ADGRL2: variants seen among roughly 807,000 people sequenced by gnomAD.
ADGRL2 encodes calcium-independent alpha-latrotoxin receptor 2.
ADGRL2 carries 44 observed loss-of-function variants against 157.4 expected under a neutral mutation model. That is an observed-to-expected ratio of 0.28 (90% CI 0.22 to 0.36). The LOEUF is 0.36. ADGRL2 is among the 10% of genes least tolerant of loss of function. The probability of loss-of-function intolerance (pLI) is 1.00; values close to 1 mark genes in which losing one functional copy is unlikely to be tolerated. For synonymous variants in ADGRL2, 585 were observed against 624.7 expected (o/e 0.94, Z 0.95); for missense variants, 1,510 against 1,768.9 (o/e 0.85, Z 2.63).
chr1:81,664,241 T>C (rs989484121), intron 3 of ADGRL2, among the ~76,000 whole-genome samples: 1 of 152,138 alleles, frequency 6.6e-6, no homozygotes, highest in Non-Finnish European at 1.5e-5. Context: ...TTTCTGTATC[T>C]TTACATACAT....
chr1:81,974,478 C>G (rs1329953356), intron 17 of ADGRL2, among the ~76,000 whole-genome samples: 3 of 152,138 alleles, frequency 2.0e-5, no homozygotes, highest in African/African-American at 7.2e-5. Context: ...CTGCTAGTCC[C>G]AGGGAGAAAT....
At chr1:81,645,463 T>C (rs530641840) in intron 3 of ADGRL2, among the ~76,000 whole-genome samples, 2 of 151,640 alleles carry the variant, frequency 1.3e-5, no homozygotes, top group Non-Finnish European at 2.9e-5. Flanking sequence ...AATTCCAGCA[T>C]TGCTTTCTAA....
At chr1:81,914,500 A>C (rs1220005649) in intron 3 of ADGRL2, among the ~76,000 whole-genome samples, 1 of 152,102 alleles carries the variant, frequency 6.6e-6, no homozygotes. Context: ...TTCTCTTAGG[A>C]TCTAAGCCTG....
intron 1 of ADGRL2, among the ~76,000 whole-genome samples, chr1:81,441,392 T>A (rs149539354): frequency 6.6e-6 from 1 of 152,322 alleles, no homozygotes; most frequent in African/African-American, 2.4e-5. Context: ...ATCATCAGTG[T>A]TCCTAATCAA....
intron 3 of ADGRL2, among the ~76,000 whole-genome samples, chr1:81,911,005 G>T (rs1237739431): frequency 6.6e-6 from 1 of 151,006 alleles, no homozygotes; most frequent in Non-Finnish European, 1.5e-5. Flanking sequence ...ATTGTATTTT[G>T]CTCCTCTTGT....
At chr1:81,845,961 G>A (rs1457297657) in intron 2 of ADGRL2, among the ~76,000 whole-genome samples, 1 of 151,478 alleles carries the variant, frequency 6.6e-6, no homozygotes, top group South Asian at 2.1e-4. Context: ...TGTATATCTT[G>A]ATCTCAGTTA....
At chr1:81,483,978 T>C (rs932070513) in intron 2 of ADGRL2, among the ~76,000 whole-genome samples, 3 of 151,972 alleles carry the variant, frequency 2.0e-5, no homozygotes, top group Admixed American at 2.0e-4. Context: ...TGTTTGATCA[T>C]TTTTAAAGGG....
At chr1:81,941,207 G>A (rs1647835678) in intron 4 of ADGRL2, among the ~76,000 whole-genome samples, 1 of 150,732 alleles carries the variant, frequency 6.6e-6, no homozygotes, top group Non-Finnish European at 1.5e-5. Context: ...AGTATTACAA[G>A]TTTGAGATAT....
chr1:81,325,995 C>T (rs1311682111), intron 1 of ADGRL2, among the ~76,000 whole-genome samples: 1 of 152,104 alleles, frequency 6.6e-6, no homozygotes, highest in East Asian at 1.9e-4. Context: ...GGTAGTGCTT[C>T]AATTTTTCCA....
At chr1:81,721,733 ATG>A in intron 1 of ADGRL2, 5 of 1,418,188 alleles carry the variant, frequency 3.5e-6, no homozygotes. Context: ...CCTTGTGAAA[ATG>A]TGTAAGCAGG....
chr1:81,884,865 T>A (rs929497862), intron 2 of ADGRL2, among the ~76,000 whole-genome samples: 26 of 152,304 alleles, frequency 1.7e-4, no homozygotes, highest in African/African-American at 6.3e-4. Flanking sequence ...TATATAGTAG[T>A]TGAAGTGAGT....
At chr1:81,931,856 A>G (rs951846965) in intron 3 of ADGRL2, among the ~76,000 whole-genome samples, 1 of 151,864 alleles carries the variant, frequency 6.6e-6, no homozygotes, top group Non-Finnish European at 1.5e-5. Flanking sequence ...CTGGTCTTGA[A>G]CTCCTGGGCT....
intron 11 of ADGRL2, among the ~76,000 whole-genome samples, chr1:81,964,167 TAATA>T (rs1656362825): frequency 6.6e-6 from 1 of 152,068 alleles, no homozygotes; most frequent in African/African-American, 2.4e-5. Flanking sequence ...TTTTAAACTC[TAATA>T]AGTAAATTTC....
chr1:81,883,741 G>C (rs955542639), intron 2 of ADGRL2, among the ~76,000 whole-genome samples: 2 of 151,892 alleles, frequency 1.3e-5, no homozygotes, highest in Non-Finnish European at 2.9e-5. Flanking sequence ...AATTATTACT[G>C]TCTTCCTATT....
At chr1:81,979,670 A>G (rs1400229037) in intron 17 of ADGRL2, among the ~76,000 whole-genome samples, 199 bp from the exon 18 acceptor site, 1 of 151,800 alleles carries the variant, frequency 6.6e-6, no homozygotes, top group Non-Finnish European at 1.5e-5. Flanking sequence ...TGAGGTTGCA[A>G]TTTGATGTCA....
At chr1:81,827,706 C>T (rs1208006672) in intron 1 of ADGRL2, among the ~76,000 whole-genome samples, 4 of 152,048 alleles carry the variant, frequency 2.6e-5, no homozygotes. Flanking sequence ...GCTGGGATTA[C>T]AGGTGGTGCC....
At chr1:81,427,356 G>A (rs1024631086) in intron 1 of ADGRL2, 6 of 730,832 alleles carry the variant, frequency 8.2e-6, no homozygotes, top group Non-Finnish European at 1.5e-5. Context: ...TATGGTGGTG[G>A]CGGACCAGGA....
chr1:81,572,300 C>T (rs144301199), intron 2 of ADGRL2, among the ~76,000 whole-genome samples: 1 of 152,298 alleles, frequency 6.6e-6, no homozygotes, highest in East Asian at 1.9e-4. Context: ...ATTATATCTA[C>T]TACAGTGTTC....
intron 1 of ADGRL2, among the ~76,000 whole-genome samples, chr1:81,418,093 T>C (rs2077062925): frequency 6.6e-6 from 1 of 152,238 alleles, no homozygotes. Context: ...AAATCTATTC[T>C]AGCTAATTTG....
Sources: allele counts gnomAD v4.1 joint callset (sites outside exome capture counted in the v4.1 genomes callset), GRCh38; gene constraint gnomAD v4.1.1; transcripts MANE v1.5; gene names NCBI Gene and HGNC (gene_info 2026-07-23, HGNC 2026-07-21).